TIMM23: variants seen among roughly 807,000 people sequenced by gnomAD.
The protein encoded by TIMM23 is translocase of inner mitochondrial membrane 23, also known as mitochondrial import inner membrane translocase subunit Tim23.
In TIMM23, 19 loss-of-function variants were observed where a neutral mutation model predicts 30.7. The ratio of observed to expected loss-of-function variants is 0.62; its 90% CI spans 0.43 to 0.91. TIMM23 has a LOEUF of 0.91. TIMM23 is among the 40% of genes least tolerant of loss of function. The pLI is 0.00. For missense variants in TIMM23, 202 were observed against 269.2 expected (o/e 0.75, Z 1.75); for synonymous variants, 78 against 98.5 (o/e 0.79, Z 1.23).
intron 6 of TIMM23, among the ~76,000 whole-genome samples, chr10:45,991,311 T>C (rs1474143935): frequency 2.0e-5 from 3 of 152,196 alleles, no homozygotes; most frequent in Admixed American, 1.3e-4. Flanking sequence ...TCAAAGGTTT[T>C]TTGGACAGAG....
chr10:45,996,332 A>G (rs1838331328), intron 6 of TIMM23, among the ~76,000 whole-genome samples: 1 of 146,954 alleles, frequency 6.8e-6, no homozygotes, highest in South Asian at 2.1e-4. Context: ...ACTGCACTCC[A>G]GCCTGGGCCA....
chr10:45,991,485 C>T (rs1433196600), intron 6 of TIMM23, among the ~76,000 whole-genome samples: 3 of 152,270 alleles, frequency 2.0e-5, no homozygotes, highest in African/African-American at 7.2e-5. Context: ...GGCACGGTGG[C>T]TCATGCCTGT....
intron 6 of TIMM23, among the ~76,000 whole-genome samples, chr10:45,989,366 T>C (rs1838089834): frequency 2.6e-5 from 4 of 152,222 alleles, no homozygotes; most frequent in African/African-American, 7.2e-5. Context: ...ACATTTTGCA[T>C]GTGCGTTCTT....
At chr10:45,972,853 C>G in intron 1 of TIMM23, 123 bp downstream of exon 1, 1 of 1,527,446 alleles carries the variant, frequency 6.5e-7, no homozygotes, top group Non-Finnish European at 8.8e-7. Flanking sequence ...GCTTAAGTAC[C>G]AGTGGTGGGG....
At chr10:45,998,558 A>T (rs1178873988) in intron 6 of TIMM23, among the ~76,000 whole-genome samples, 1 of 152,180 alleles carries the variant, frequency 6.6e-6, no homozygotes, top group East Asian at 1.9e-4. Flanking sequence ...TAAACTTGCA[A>T]ACACATCAAC....
At chr10:45,978,969 T>C (rs1451957542) in intron 2 of TIMM23, among the ~76,000 whole-genome samples, 71 of 152,368 alleles carry the variant, frequency 4.7e-4, no homozygotes, top group African/African-American at 1.6e-3. Flanking sequence ...AAAAGAATTA[T>C]TAAATTGTGC....
intron 6 of TIMM23, among the ~76,000 whole-genome samples, chr10:45,992,020 G>A (rs1186809270): frequency 6.6e-6 from 1 of 151,150 alleles, no homozygotes; most frequent in African/African-American, 2.4e-5. Context: ...AGGCTAAAGT[G>A]CAATGGTGCC....
intron 6 of TIMM23, chr10:45,990,697 G>A (rs1394388389): frequency 2.4e-6 from 1 of 420,710 alleles, no homozygotes; most frequent in African/African-American, 2.1e-5. Context: ...TGCTAGGATT[G>A]CAGATGTGAG....
At position 46,003,236 on chromosome 10, in the gene TIMM23, C is replaced by T. The variant is rs146563481; in HGVS notation, c.548C>T (p.Thr183Ile). ...CGAGGGATAGCACGAGGTGGTCTGA[C>T]AGGACTAACACTTACCAGCCTCTAT... Reference protein sequence around the residue: ...GLRGIARGGLTGLTLTSLYAL... With the variant: ...GLRGIARGGLIGLTLTSLYAL... The change falls in exon 7 of 7, where the codon ACA becomes ATA. Residue 183 changes from threonine (T) to isoleucine (I), a missense_variant. Physicochemically the swap from Thr to Ile is moderately conservative, Grantham distance 89. Coordinates refer to ENST00000580018, the MANE Select transcript of TIMM23 (RefSeq NM_006327.4). The T allele has an allele frequency of 3.4e-5, 55 of 1,614,130 alleles. No homozygotes were observed. In the African/African-American group the frequency reaches 6.4e-4, roughly 19 times the overall value.
chr10:45,977,724 G>C (rs1305817015), intron 2 of TIMM23, among the ~76,000 whole-genome samples: 4 of 152,156 alleles, frequency 2.6e-5, no homozygotes, highest in Non-Finnish European at 5.9e-5. Context: ...AAATTTTGTG[G>C]TTTAGACAAT....
At chr10:45,978,290 C>G (rs1434860397) in intron 2 of TIMM23, among the ~76,000 whole-genome samples, 1 of 152,088 alleles carries the variant, frequency 6.6e-6, no homozygotes, top group Admixed American at 6.6e-5. Context: ...CAGGTCAAGT[C>G]TCAGCATAAT....
intron 6 of TIMM23, chr10:45,992,438 A>G (rs2813149): frequency 7.9e-5 from 36 of 455,894 alleles, no homozygotes; most frequent in Non-Finnish European, 1.8e-5. Context: ...TAACATCTCA[A>G]TATGCGTAGA....
intron 6 of TIMM23, among the ~76,000 whole-genome samples, chr10:45,990,877 A>C (rs1354544288): frequency 6.6e-6 from 1 of 152,248 alleles, no homozygotes; most frequent in Non-Finnish European, 1.5e-5. Context: ...TTAAAGTAGA[A>C]AGGAGGTCAC....
chr10:45,981,250 T>C (rs1430953369), intron 2 of TIMM23, among the ~76,000 whole-genome samples: 1 of 103,866 alleles, frequency 9.6e-6, no homozygotes, highest in Non-Finnish European at 1.9e-5. Context: ...AGTTTTCTAT[T>C]CTTAATTAGT....
At chr10:45,984,691 C>G in intron 4 of TIMM23, 1 of 332,822 alleles carries the variant, frequency 3.0e-6, no homozygotes. Flanking sequence ...TCTCTTCATC[C>G]AGTTGCGTCC....
In TIMM23 at chr10:46,003,293, G is replaced by T. The variant is rs150556806; in HGVS notation, c.605G>T (p.Gly202Val). The T allele has an allele frequency of 9.9e-6, 16 of 1,613,874 alleles. No individual in the cohort carries two copies. The highest frequency in any genetic ancestry group is 1.6e-4 in the Middle Eastern group (1 of 6,080). Reference protein sequence around the residue: ...ALYNNWEHMKGSLLQQSL With the variant: ...ALYNNWEHMKVSLLQQSL ...TATAATAACTGGGAGCACATGAAAG[G>T]CTCCTTGCTCCAACAGTCACTCTGA... Residue 202 changes from glycine (G) to valine (V), a missense_variant, in exon 7 of 7, where the codon GGC becomes GTC. Transcript: ENST00000580018.
intron 6 of TIMM23, among the ~76,000 whole-genome samples, chr10:45,993,656 A>G (rs1235194860): frequency 5.9e-5 from 9 of 152,088 alleles, no homozygotes; most frequent in African/African-American, 2.2e-4. Context: ...TCTGTCTCGA[A>G]ATGAAATGGA....
At position 46,003,222 on chromosome 10, in the gene TIMM23, A is replaced by C. The variant is rs140088578; in HGVS notation, c.534A>C (p.Ala178=). Reference sequence around the variant, plus strand: ...TCCCAGGTGGTCTTCGAGGGATAGCACGAGGTGGTCTGACAGGACTAACAC... The same window carrying C: ...TCCCAGGTGGTCTTCGAGGGATAGCCCGAGGTGGTCTGACAGGACTAACAC... ...YKCTGGLRGI[A]RGGLTGLTLT... is the part of the protein sequence containing the mutation. Residue 178 remains alanine, a synonymous_variant, in exon 7 of 7, where the codon GCA becomes GCC. Transcript: ENST00000580018. 4.3e-5 allele frequency: 69 copies of C among 1,613,964 alleles called. No individual in the cohort carries two copies. Among genetic ancestry groups the C allele is most frequent in the Non-Finnish European group, 5.6e-5 (66 of 1,179,960 alleles).
chr10:45,990,121 T>C (rs1328761647), intron 6 of TIMM23, among the ~76,000 whole-genome samples: 7 of 151,184 alleles, frequency 4.6e-5, no homozygotes, highest in Admixed American at 3.9e-4. Flanking sequence ...TTTTAATTTT[T>C]TTTTTTTTTT....
Sources: allele counts gnomAD v4.1 joint callset (sites outside exome capture counted in the v4.1 genomes callset), GRCh38; gene constraint gnomAD v4.1.1; transcripts MANE v1.5; gene names NCBI Gene and HGNC (gene_info 2026-07-23, HGNC 2026-07-21).